CRB1: variants seen among roughly 807,000 people sequenced by gnomAD.
CRB1 encodes protein crumbs homolog 1.
In CRB1, 83 loss-of-function variants were observed where a neutral mutation model predicts 120.0. The observed-to-expected ratio is 0.69, with a 90% confidence interval of 0.58 to 0.83. The LOEUF (loss-of-function observed/expected upper bound fraction) is 0.83. CRB1 is among the 40% of genes least tolerant of loss of function. The pLI is 0.00. For missense variants in CRB1, 1,699 were observed against 1,687.6 expected (o/e 1.01, Z -0.12); for synonymous variants, 625 against 612.5 (o/e 1.02, Z -0.30).
chr1:197,337,283 A>T (rs1301344476), intron 2 of CRB1, among the ~76,000 whole-genome samples: 1 of 152,178 alleles, frequency 6.6e-6, no homozygotes, highest in African/African-American at 2.4e-5. Flanking sequence ...GTGCCTACCT[A>T]GTTATCAGCA....
At chr1:197,414,963 G>A (rs973310627) in intron 5 of CRB1, among the ~76,000 whole-genome samples, 3 of 151,794 alleles carry the variant, frequency 2.0e-5, no homozygotes. Context: ...GCTGTTCTTC[G>A]GACTATTGAT....
chr1:197,272,981 G>T (rs915924101), intron 1 of CRB1, among the ~76,000 whole-genome samples: 1 of 152,166 alleles, frequency 6.6e-6, no homozygotes, highest in African/African-American at 2.4e-5. Context: ...ACAAATGTAT[G>T]AGATAATCTC....
intron 1 of CRB1, among the ~76,000 whole-genome samples, chr1:197,322,786 C>T (rs756152868): frequency 1.2e-4 from 18 of 152,152 alleles, no homozygotes; most frequent in Non-Finnish European, 2.5e-4. Context: ...TTCATATGAA[C>T]ATTAATGTTT....
chr1:197,358,775 A>C (rs957314040), intron 5 of CRB1, among the ~76,000 whole-genome samples: 1 of 142,632 alleles, frequency 7.0e-6, no homozygotes, highest in African/African-American at 2.4e-5. Context: ...CAAGTAATGA[A>C]TATCTCTTTT....
chr1:197,468,042 A>G (rs776000826), intron 11 of CRB1, among the ~76,000 whole-genome samples: 2 of 152,116 alleles, frequency 1.3e-5, no homozygotes, highest in Non-Finnish European at 2.9e-5. Flanking sequence ...CTGCATAAGG[A>G]GTTATCCTTC....
chr1:197,361,771 A>T (rs2821113), intron 5 of CRB1, among the ~76,000 whole-genome samples: 11,451 of 151,588 alleles, frequency 0.076, 1,493 homozygotes, highest in African/African-American at 0.26. Context: ...ATTTTTTTTA[A>T]AAAAATAGCT....
Position 197,421,501 on chromosome 1 carries a change from T to C in CRB1, c.1673T>C (p.Ile558Thr), listed in dbSNP as rs776788104. Residue 558 changes from isoleucine to threonine, a missense_variant, in exon 6 of 12, where the codon ATT becomes ACT. Transcript: ENST00000367400. Reference sequence around the variant, plus strand: ...AATCAGTCAAAGGTGCTTCTGTTCATTTCCCACAACACCAGCGATGGAGAG... The same window carrying C: ...AATCAGTCAAAGGTGCTTCTGTTCACTTCCCACAACACCAGCGATGGAGAG... ...VNNQSKVLLF[I>T]SHNTSDGEWH... 1.2e-5 allele frequency: 20 copies of C among 1,614,112 alleles called. No individual in the cohort carries two copies. The South Asian group carries it at 1.9e-4, about 15-fold the overall frequency.
chr1:197,392,443 A>C (rs891871918), intron 5 of CRB1, among the ~76,000 whole-genome samples: 9 of 152,074 alleles, frequency 5.9e-5, no homozygotes, highest in Non-Finnish European at 1.3e-4. Flanking sequence ...CTATAAAGGT[A>C]ACTCAGATAA....
chr1:197,424,553 C>T (rs1664486954), intron 6 of CRB1, among the ~76,000 whole-genome samples: 1 of 152,092 alleles, frequency 6.6e-6, no homozygotes, highest in South Asian at 2.1e-4. Flanking sequence ...GATGTGATGT[C>T]TGTATGTGCT....
chr1:197,319,684 A>G (rs1002731671), intron 1 of CRB1, among the ~76,000 whole-genome samples: 7 of 151,306 alleles, frequency 4.6e-5, no homozygotes, highest in South Asian at 2.1e-4. Flanking sequence ...TTTCTCACCC[A>G]TTTAATTTGT....
At position 197,427,893 on chromosome 1, in the gene CRB1, A is replaced by C. The variant is rs1217298785; in HGVS notation, c.2568A>C (p.Arg856Ser). ...GFFKGCIQDV[R>S]LNNQNLEFFP... ...TCAAAGGCTGTATCCAAGATGTAAG[A>C]CTAAACAACCAAAATCTGGAATTCT... The change falls in exon 7 of 12, where the codon AGA becomes AGC. Residue 856 changes from arginine (R) to serine (S), a missense_variant. Coordinates refer to ENST00000367400, the MANE Select transcript of CRB1 (RefSeq NM_201253.3). 1 of 1,614,072 alleles carries C rather than the reference A, an allele frequency of 6.2e-7. No individual in the cohort carries two copies. Among genetic ancestry groups the C allele is most frequent in the African/African-American group, 1.3e-5 (1 of 75,038 alleles).
At chr1:197,382,482 A>G (rs1391282355) in intron 5 of CRB1, among the ~76,000 whole-genome samples, 2 of 152,198 alleles carry the variant, frequency 1.3e-5, no homozygotes, top group African/African-American at 2.4e-5. Context: ...TCATCCAGTA[A>G]TTTATTTATT....
At chr1:197,429,790 T>C (rs548675360) in intron 8 of CRB1, among the ~76,000 whole-genome samples, 176 bp downstream of exon 8, 1 of 152,318 alleles carries the variant, frequency 6.6e-6, no homozygotes, top group African/African-American at 2.4e-5. Flanking sequence ...CTGCCCTTGG[T>C]GGCTGTCTGG....
At chr1:197,221,229 A>T in the CRB1 span, among the ~76,000 whole-genome samples, 1 of 152,214 alleles carries the variant, frequency 6.6e-6, no homozygotes, top group Admixed American at 6.5e-5. Flanking sequence ...GACAGTTAAG[A>T]AAAGGGCCTC....
chr1:197,459,824 T>A (rs117308241), intron 11 of CRB1, among the ~76,000 whole-genome samples: 1,819 of 152,168 alleles, frequency 0.012, 32 homozygotes, highest in East Asian at 0.045. Flanking sequence ...CAGAATTTTT[T>A]AAAATATATA....
intron 2 of CRB1, among the ~76,000 whole-genome samples, chr1:197,342,865 G>T (rs373930813): frequency 6.6e-6 from 1 of 152,082 alleles, no homozygotes; most frequent in Non-Finnish European, 1.5e-5. Flanking sequence ...GTCCTGGATG[G>T]TCTGTCAAAA....
At position 197,328,828 on chromosome 1, in the gene CRB1, T is replaced by C; in HGVS notation, c.477T>C (p.Asn159=). 3 of 1,614,120 alleles carry C rather than the reference T, an allele frequency of 1.9e-6. No homozygotes were observed. Among genetic ancestry groups the C allele is most frequent in the Non-Finnish European group, 2.5e-6 (3 of 1,179,992 alleles). ...AGTGTGCTTCCAGCCCTTGCCAAAA[T>C]GGGGCCGTGTGCCAGGATGGAATTG... ...HDECASSPCQ[N]GAVCQDGIDG... is the part of the protein sequence containing the mutation. The change falls in exon 2 of 12, where the codon AAT becomes AAC. Residue 159 remains asparagine (N), a synonymous_variant. Transcript: ENST00000367400.
At chr1:197,262,371 A>G in the CRB1 span, among the ~76,000 whole-genome samples, 2 of 151,448 alleles carry the variant, frequency 1.3e-5, no homozygotes, top group Non-Finnish European at 2.9e-5. Context: ...CTTTTCTTCT[A>G]TTTTCTTTGT....
chr1:197,214,899 A>G, the CRB1 span, among the ~76,000 whole-genome samples: 662 of 152,274 alleles, frequency 4.3e-3, 3 homozygotes, highest in Middle Eastern at 6.8e-3. Context: ...ACAGGCTAAT[A>G]TCCCTGATGA....
Sources: allele counts gnomAD v4.1 joint callset (sites outside exome capture counted in the v4.1 genomes callset), GRCh38; gene constraint gnomAD v4.1.1; transcripts MANE v1.5; gene names NCBI Gene and HGNC (gene_info 2026-07-23, HGNC 2026-07-21).